Variants in TXNRD3 observed in about 807,000 individuals in gnomAD.
The protein encoded by TXNRD3 is thioredoxin reductase 3.
In TXNRD3, 68 loss-of-function variants were observed where a neutral mutation model predicts 78.2. The ratio of observed to expected loss-of-function variants is 0.87; its 90% CI spans 0.72 to 1.06. The LOEUF is 1.06. Among genes scored for constraint, TXNRD3 ranks in the 50% least tolerant of loss-of-function variants. The pLI, the probability that TXNRD3 is intolerant of heterozygous loss-of-function variation, is 0.00. For missense variants in TXNRD3, 751 were observed against 809.5 expected (o/e 0.93, Z 0.88); for synonymous variants, 296 against 300.1 (o/e 0.99, Z 0.14).
At chr3:126,620,147 T>C (rs1452593966) in intron 12 of TXNRD3, among the ~76,000 whole-genome samples, 1 of 151,806 alleles carries the variant, frequency 6.6e-6, no homozygotes, top group Admixed American at 6.6e-5. Flanking sequence ...CACAAAAAAT[T>C]ATCTGGGCGT....
At chr3:126,613,121 T>G (rs1391285429) in intron 13 of TXNRD3, among the ~76,000 whole-genome samples, 1 of 152,244 alleles carries the variant, frequency 6.6e-6, no homozygotes, top group African/African-American at 2.4e-5. Context: ...AAAGCTCTGC[T>G]GTGGAAAACA....
In TXNRD3 at chr3:126,654,750, G is replaced by C. The variant is rs779105363; in HGVS notation, c.241C>G (p.Arg81Gly). ...GAACCGGCGAGGGCCGCGCCTACCC[G>C]AGTACTATGGGGACAGTAGCTCTTG... Residue 81 changes from arginine to glycine, a missense_variant and splice_region_variant, in exon 1 of 16, where the codon CGG becomes GGG. Coordinates refer to ENST00000524230, the MANE Select transcript of TXNRD3 (RefSeq NM_052883.3). 2.2e-5 allele frequency: 30 copies of C among 1,366,492 alleles called. No individual in the cohort carries two copies. The South Asian group carries it at 4.5e-4, about 21-fold the overall frequency. 84.6% of individuals were successfully genotyped at this position (1,366,492 alleles called of 1,614,324 possible).
rs1320854106 is a variant in TXNRD3, at chr3:126,630,821, A to G, written c.1088T>C (p.Met363Thr). The G allele has an allele frequency of 1.1e-5, 17 of 1,535,712 alleles. No individual in the cohort carries two copies. Among genetic ancestry groups the G allele is most frequent in the Non-Finnish European group, 1.1e-5 (13 of 1,146,900 alleles). Residue 363 changes from methionine to threonine, a missense_variant, in exon 9 of 16, where the codon ATG becomes ACG. Met to Thr is a moderately conservative substitution (Grantham distance 81). Coordinates refer to ENST00000524230, the MANE Select transcript of TXNRD3 (RefSeq NM_052883.3). ...GCCACGGAGAAGGATTGAGCGTACC[A>G]TAACTGTGACATCTAGGCCAAAGCC...
At chr3:126,612,896 T>C (rs1938230818) in intron 13 of TXNRD3, among the ~76,000 whole-genome samples, 2 of 152,232 alleles carry the variant, frequency 1.3e-5, no homozygotes, top group Admixed American at 6.5e-5. Context: ...ATTTAAAATA[T>C]GACCTTATCA....
At chr3:126,629,001 T>C (rs1288722182) in intron 10 of TXNRD3, among the ~76,000 whole-genome samples, 2 of 152,142 alleles carry the variant, frequency 1.3e-5, no homozygotes, top group Admixed American at 6.5e-5. Context: ...GTTTGGAGAT[T>C]TTGTACTGTT....
chr3:126,622,427 T>G (rs1938479295), intron 11 of TXNRD3, 37 bp downstream of exon 11: 2 of 1,403,656 alleles, frequency 1.4e-6, no homozygotes, highest in Non-Finnish European at 1.9e-6. Flanking sequence ...ACCTGTTGCT[T>G]TGTGCAGCAA....
chr3:126,637,751 T>C (rs939094304), intron 6 of TXNRD3, among the ~76,000 whole-genome samples: 4 of 151,956 alleles, frequency 2.6e-5, no homozygotes, highest in Admixed American at 6.6e-5. Context: ...TTATTTTCTG[T>C]TGCTATTTTT....
chr3:126,631,394 T>C (rs1938711036), intron 8 of TXNRD3, among the ~76,000 whole-genome samples: 1 of 152,040 alleles, frequency 6.6e-6, no homozygotes, highest in Non-Finnish European at 1.5e-5. Context: ...TAAATCTCAG[T>C]GTTAAGAAAA....
intron 6 of TXNRD3, 135 bp from the exon 7 acceptor site, chr3:126,634,186 G>A: frequency 1.4e-6 from 1 of 702,772 alleles, no homozygotes; most frequent in Non-Finnish European, 2.0e-6. Flanking sequence ...TAAATATTTT[G>A]TATGCCAGCC....
At chr3:126,610,023 C>T (rs1938160204) in intron 14 of TXNRD3, among the ~76,000 whole-genome samples, 1 of 152,176 alleles carries the variant, frequency 6.6e-6, no homozygotes, top group Non-Finnish European at 1.5e-5. Flanking sequence ...TGTGAACCTG[C>T]CCAACCTGGA....
At chr3:126,619,454 G>A (rs972530496) in intron 12 of TXNRD3, among the ~76,000 whole-genome samples, 4 of 152,144 alleles carry the variant, frequency 2.6e-5, no homozygotes, top group African/African-American at 9.7e-5. Flanking sequence ...AAATAAGTTG[G>A]GCACAGAAAG....
intron 11 of TXNRD3, 89 bp downstream of exon 11, chr3:126,622,375 C>G: frequency 1.2e-6 from 1 of 848,078 alleles, no homozygotes; most frequent in Non-Finnish European, 1.8e-6. Context: ...TAAGACATAT[C>G]TCAGTAATTA....
intron 5 of TXNRD3, among the ~76,000 whole-genome samples, chr3:126,643,332 C>G (rs1933140229): frequency 6.6e-6 from 1 of 152,196 alleles, no homozygotes; most frequent in Admixed American, 6.5e-5. Flanking sequence ...GCTCTTTTCA[C>G]TGTGGAAAAA....
At chr3:126,632,690 C>T (rs1482216600) in intron 7 of TXNRD3, among the ~76,000 whole-genome samples, 1 of 148,438 alleles carries the variant, frequency 6.7e-6, no homozygotes, top group Non-Finnish European at 1.5e-5. Flanking sequence ...GAAGCAACAA[C>T]AAAAAAGAAA....
intron 7 of TXNRD3, among the ~76,000 whole-genome samples, chr3:126,633,090 ATATATCT>A (rs1057070229): frequency 1.9e-4 from 29 of 152,294 alleles, no homozygotes; most frequent in African/African-American, 6.5e-4. Context: ...TAGGGGTGAA[ATATATCT>A]TTAACTGAAT....
chr3:126,630,398 G>T (rs1938679216), intron 9 of TXNRD3, among the ~76,000 whole-genome samples: 2 of 152,198 alleles, frequency 1.3e-5, no homozygotes, highest in African/African-American at 4.8e-5. Context: ...GAGGGTAAAA[G>T]AAGGCTTAAT....
intron 7 of TXNRD3, among the ~76,000 whole-genome samples, chr3:126,632,355 A>G (rs1395801113): frequency 1.3e-5 from 2 of 152,196 alleles, no homozygotes; most frequent in Non-Finnish European, 2.9e-5. Context: ...GGTTGCTCAC[A>G]ATTTTTAATT....
Position 126,613,782 on chromosome 3 carries a change from T to A in TXNRD3, c.1632+1573A>T, listed in dbSNP as rs114522230. On this transcript the variant is annotated intron_variant, in intron 13 of 15. Transcript: ENST00000524230. ...GTCTAACATATATAATCATGTACAGTACATAATACTTGATAAAGATAATAA... is the reference window on the plus strand; with the variant it reads ...GTCTAACATATATAATCATGTACAGAACATAATACTTGATAAAGATAATAA... 6.4e-3 allele frequency among the ~76,000 whole-genome samples: 978 copies of A among 152,382 alleles called. 12 individuals are homozygous for A. The highest frequency in any genetic ancestry group is 0.022 in the African/African-American group (935 of 41,590).
At chr3:126,639,775 G>T (rs961471091) in intron 6 of TXNRD3, among the ~76,000 whole-genome samples, 6 of 151,822 alleles carry the variant, frequency 4.0e-5, no homozygotes, top group Admixed American at 3.3e-4. Context: ...TCTATTTTTT[G>T]TAGAGACAGA....
Sources: allele counts gnomAD v4.1 joint callset (sites outside exome capture counted in the v4.1 genomes callset), GRCh38; gene constraint gnomAD v4.1.1; transcripts MANE v1.5; gene names NCBI Gene and HGNC (gene_info 2026-07-23, HGNC 2026-07-21).